Variants in TLL2 observed in about 807,000 individuals in gnomAD.
The protein encoded by TLL2 is tolloid like 2.
A neutral mutation model predicts 123.0 loss-of-function variants in TLL2; 106 were observed. The observed-to-expected ratio is 0.86, with a 90% CI of 0.74 to 1.01. TLL2 has a LOEUF of 1.01. Ranked by LOEUF, TLL2 falls within the 50% of genes least tolerant of loss-of-function variation. The probability of loss-of-function intolerance (pLI) is 0.00; values close to 1 mark genes in which losing one functional copy is unlikely to be tolerated. For missense variants in TLL2, 1,332 were observed against 1,336.7 expected (o/e 1.00, Z 0.06); for synonymous variants, 494 against 516.8 (o/e 0.96, Z 0.60).
At chr10:96,417,565 C>T (rs910645456) in intron 7 of TLL2, among the ~76,000 whole-genome samples, 7 of 152,212 alleles carry the variant, frequency 4.6e-5, no homozygotes, top group Non-Finnish European at 2.9e-5. Flanking sequence ...CTTGCTTTGA[C>T]CAACAGAATG....
In TLL2 at chr10:96,373,613, T is replaced by C. The variant is rs148920973; in HGVS notation, c.2645A>G (p.Gln882Arg). 5.5e-5 allele frequency: 88 copies of C among 1,614,198 alleles called. No homozygotes were observed. In the African/African-American group the frequency reaches 1.1e-3, roughly 21 times the overall value. ...SDASVQRKGF[Q>R]AVHSTECGGR... ...CCAGGTACCTGTGCTGTGCACTGCC[T>C]GGAAGCCTTTCCTCTGCACTGAGGC... The change falls in exon 19 of 21, where the codon CAG becomes CGG. Residue 882 changes from glutamine to arginine, a missense_variant. Physicochemically the swap from Gln to Arg is conservative, Grantham distance 43. Transcript: ENST00000357947.
At chr10:96,488,296 C>T (rs1293741972) in intron 1 of TLL2, among the ~76,000 whole-genome samples, 1 of 152,192 alleles carries the variant, frequency 6.6e-6, no homozygotes, top group Non-Finnish European at 1.5e-5. Flanking sequence ...TGACTTAGCG[C>T]TTGCGTGCCC....
At position 96,513,390 on chromosome 10, in the gene TLL2, C is replaced by T. The variant is rs1847650990; in HGVS notation, c.175+121G>A. ...CGGAGGCATTGTCTTCCGGGGGAGC[C>T]GGGGATCTCAGGGGAGGGGAGGGGA... On this transcript the variant is annotated intron_variant, in intron 1 of 20. Transcript: ENST00000357947. 1.6e-6 allele frequency: 2 copies of T among 1,252,216 alleles called. 1 individual carries two copies. Among genetic ancestry groups the T allele is most frequent in the Middle Eastern group, 3.9e-4 (2 of 5,192 alleles). The allele number at this position is 1,252,216 out of a possible 1,614,324, so 77.6% of individuals were successfully genotyped here. A position where few individuals can be genotyped will look rare whatever the true frequency, so the allele number is the denominator to read the frequency against.
chr10:96,483,906 G>A (rs545150301), intron 1 of TLL2, among the ~76,000 whole-genome samples: 7 of 152,220 alleles, frequency 4.6e-5, no homozygotes, highest in African/African-American at 1.7e-4. Flanking sequence ...GCAGTGGCAC[G>A]ATCTCAGCTC....
At chr10:96,402,722 C>T (rs1195340690) in intron 10 of TLL2, among the ~76,000 whole-genome samples, 1 of 152,176 alleles carries the variant, frequency 6.6e-6, no homozygotes, top group East Asian at 1.9e-4. Flanking sequence ...GACTACCTGA[C>T]TGACTTCTTC....
chr10:96,434,399 T>C (rs1369205518), intron 3 of TLL2, among the ~76,000 whole-genome samples: 1 of 152,256 alleles, frequency 6.6e-6, no homozygotes, highest in Non-Finnish European at 1.5e-5. Flanking sequence ...ACTTTGTTTC[T>C]ATGAATTTGC....
intron 1 of TLL2, among the ~76,000 whole-genome samples, chr10:96,497,755 T>G (rs984528940): frequency 3.9e-5 from 6 of 152,174 alleles, no homozygotes; most frequent in Admixed American, 2.6e-4. Context: ...TTCGTGAAGG[T>G]CTCTTCATCT....
At position 96,395,198 on chromosome 10, in the gene TLL2, T is replaced by C. The variant is rs148545758; in HGVS notation, c.1715A>G (p.Asn572Ser). ...GSINKAGFAA[N>S]FFKEVDECSW... is the part of the protein sequence containing the mutation. ...CTGCTAATTCATACCCTTGAAAAAA[T>C]TGGCTGCAAAGCCCGCTTTATTGAT... Residue 572 changes from asparagine to serine, a missense_variant, in exon 13 of 21, where the codon AAT (asparagine) becomes AGT (serine). Physicochemically the swap from Asn to Ser is conservative, Grantham distance 46. Transcript: ENST00000357947. The C allele has an allele frequency of 3.1e-5, 50 of 1,602,120 alleles. No homozygotes were observed. Among genetic ancestry groups the C allele is most frequent in the Non-Finnish European group, 3.4e-5 (40 of 1,175,176 alleles).
intron 1 of TLL2, among the ~76,000 whole-genome samples, chr10:96,504,733 G>A (rs1847562769): frequency 6.6e-6 from 1 of 152,174 alleles, no homozygotes; most frequent in Non-Finnish European, 1.5e-5. Context: ...AGGGCCAGGA[G>A]CAGTGGCTCA....
intron 9 of TLL2, 38 bp downstream of exon 9, chr10:96,410,321 G>A: frequency 6.7e-7 from 1 of 1,499,814 alleles, no homozygotes; most frequent in Non-Finnish European, 9.3e-7. Context: ...CCAACTCAAG[G>A]AGTGCCGTCC....
At position 96,424,390 on chromosome 10, in the gene TLL2, C is replaced by T. The variant is rs111422741; in HGVS notation, c.639-1663G>A. ...CATTCTCCATGATGTGATTATTTCA[C>T]GTTGCATGCCTGTATCAAAACATCT... On this transcript the variant is annotated intron_variant, in intron 5 of 20. Transcript: ENST00000357947. Among the ~76,000 whole-genome samples the T allele has an allele frequency of 2.2e-3, 338 of 152,262 alleles. 1 individual carries two copies. Among genetic ancestry groups the T allele is most frequent in the African/African-American group, 7.0e-3 (291 of 41,550 alleles).
rs1846393424 is a variant in TLL2, at chr10:96,401,474, A to AAGAATG, written c.1267+3752_1267+3757dup. Among the ~76,000 whole-genome samples, 14 of 151,720 alleles carry AAGAATG rather than the reference A, an allele frequency of 9.2e-5. No homozygotes were observed. The South Asian group carries it at 2.7e-3, about 29-fold the overall frequency. ...AGTTGGCAAAGGAGAACTGCAAATG[A>AAGAATG]AGAATGACGGTTACAGGCGCTGGCA... On this transcript the variant is annotated intron_variant, in intron 10 of 20. Coordinates refer to ENST00000357947, the MANE Select transcript of TLL2 (RefSeq NM_012465.4).
intron 2 of TLL2, among the ~76,000 whole-genome samples, chr10:96,454,990 C>G (rs905613500): frequency 6.6e-6 from 1 of 152,232 alleles, no homozygotes; most frequent in Admixed American, 6.5e-5. Flanking sequence ...AGGCATCCCA[C>G]TGTTCCCCAG....
chr10:96,476,241 T>TATACATATATATATATATATATTC (rs1554939631), intron 2 of TLL2, among the ~76,000 whole-genome samples: 7 of 72,406 alleles, frequency 9.7e-5, no homozygotes, highest in East Asian at 1.3e-3. Context: ...TATATATATA[T>TATACATATATATATATATATATTC]TTTATTTTTG....
intron 14 of TLL2, 75 bp from the exon 15 acceptor site, chr10:96,386,290 A>G: frequency 7.2e-7 from 1 of 1,395,506 alleles, no homozygotes; most frequent in African/African-American, 1.4e-5. Flanking sequence ...CAGGAGCAAT[A>G]GAGCCTTGCT....
intron 2 of TLL2, among the ~76,000 whole-genome samples, chr10:96,471,577 G>C (rs1847184431): frequency 6.6e-6 from 1 of 152,158 alleles, no homozygotes; most frequent in South Asian, 2.1e-4. Flanking sequence ...TATTATTTTT[G>C]GTGTCAGACG....
chr10:96,418,848 T>C (rs975913903), intron 7 of TLL2, among the ~76,000 whole-genome samples: 11 of 148,756 alleles, frequency 7.4e-5, no homozygotes, highest in African/African-American at 2.7e-4. Flanking sequence ...TTAATATGAA[T>C]ATATAAATTA....
intron 2 of TLL2, among the ~76,000 whole-genome samples, chr10:96,477,078 C>A (rs1589432479): frequency 9.0e-6 from 1 of 111,328 alleles, no homozygotes; most frequent in East Asian, 3.3e-4. Context: ...TTAGTTTAAT[C>A]AACAAAAACA....
At position 96,396,894 on chromosome 10, in the gene TLL2, C is replaced by T. The variant is rs547362298; in HGVS notation, c.1384+292G>A. 4.6e-5 allele frequency among the ~76,000 whole-genome samples: 7 copies of T among 152,278 alleles called. No individual in the cohort carries two copies. In the East Asian group the frequency reaches 5.8e-4, roughly 13 times the overall value. The stretch of plus-strand genomic sequence containing the variant: ...TATCATTTCCACAGGGTTCTAGATC[C>T]CCCCAATACCGTCCTGTATGGGGGA... On this transcript the variant is annotated intron_variant, in intron 11 of 20. Transcript: ENST00000357947.
Sources: allele counts gnomAD v4.1 joint callset (sites outside exome capture counted in the v4.1 genomes callset), GRCh38; gene constraint gnomAD v4.1.1; transcripts MANE v1.5; gene names NCBI Gene and HGNC (gene_info 2026-07-23, HGNC 2026-07-21).